PIEZO1: variants seen among roughly 807,000 people sequenced by gnomAD.
PIEZO1 encodes piezo type mechanosensitive ion channel component 1 (Er blood group).
Under a neutral mutation model 297.2 loss-of-function variants are expected in PIEZO1, and 296 were observed. The observed-to-expected ratio is 1.00, with a 90% CI of 0.91 to 1.10. PIEZO1 has a LOEUF of 1.10. PIEZO1 is among the 50% of genes least tolerant of loss of function. The probability of loss-of-function intolerance (pLI) is 0.00; values close to 1 mark genes in which losing one functional copy is unlikely to be tolerated. For missense variants in PIEZO1, 5,018 were observed against 3,455.5 expected, an observed-to-expected ratio of 1.45 and a Z score of -11.34; for synonymous variants, 2,427 against 1,507.5, an observed-to-expected ratio of 1.61 and a Z score of -14.13.
At chr16:88,781,108 G>A (rs61203850) in intron 1 of PIEZO1, among the ~76,000 whole-genome samples, 32,008 of 152,224 alleles carry the variant, frequency 0.21, 3,500 homozygotes, top group Middle Eastern at 0.33. Context: ...CCTGACGACT[G>A]CGGTGGTCCC....
Position 88,716,751 on chromosome 16 carries a change from T to C in PIEZO1, c.6754-20A>G. ...GGCCAGCTGGGTACAAGTGACACCCTCAGTGACTGCAGCCGCCTCCCCACA... is the reference window on the plus strand; with the variant it reads ...GGCCAGCTGGGTACAAGTGACACCCCCAGTGACTGCAGCCGCCTCCCCACA... On this transcript the variant is annotated intron_variant, in intron 46 of 50. Transcript: ENST00000301015. The C allele has an allele frequency of 6.5e-7, 1 of 1,548,526 alleles. No homozygotes were observed.
rs970360728 is a variant in PIEZO1, at chr16:88,732,696, T to C, written c.2701A>G (p.Ile901Val). The change falls in exon 20 of 51, where the codon ATC (isoleucine) becomes GTC (valine). Residue 901 changes from isoleucine to valine, a missense_variant. Ile to Val is a conservative substitution (Grantham distance 29). Coordinates refer to ENST00000301015, the MANE Select transcript of PIEZO1 (RefSeq NM_001142864.4). Reference protein sequence around the residue: ...PNSTNLLPTEISQSLLYRGPV... With the variant: ...PNSTNLLPTEVSQSLLYRGPV... ...CCCCGGTACAGCAGGGACTGGCTGA[T>C]CTCCGTGGGCAGCAAGTTGGTGCTG... is the stretch of plus-strand genomic sequence containing the variant. 5 of 1,549,028 alleles carry C rather than the reference T, an allele frequency of 3.2e-6. No homozygotes were observed. The African/African-American group carries it at 5.5e-5, about 17-fold the overall frequency.
intron 1 of PIEZO1, among the ~76,000 whole-genome samples, chr16:88,757,959 G>A (rs570398086): frequency 2.0e-5 from 3 of 152,280 alleles, no homozygotes; most frequent in South Asian, 2.1e-4. Context: ...CCACAGAAAG[G>A]CCTGGCTGGA....
chr16:88,727,912 G>T, intron 22 of PIEZO1: 1 of 331,180 alleles, frequency 3.0e-6, no homozygotes, highest in Non-Finnish European at 5.5e-6. Context: ...GGGGGTGGGG[G>T]CTGCTGGGCC....
rs182050661 is a variant in PIEZO1, at chr16:88,717,918, C to A, written c.6472-707G>T. On this transcript the variant is annotated intron_variant, in intron 44 of 50. Transcript: ENST00000301015. The stretch of plus-strand genomic sequence containing the variant: ...GGTCAGGAGTTTGAGACGAACCTGG[C>A]CAAAAATACAAAAGACTAGCCAGGC... The A allele has an allele frequency of 1.2e-4, 47 of 387,482 alleles. 1 individual carries two copies. Among genetic ancestry groups the A allele is most frequent in the Non-Finnish European group, 1.1e-4 (23 of 200,478 alleles). 24.0% of individuals were successfully genotyped at this position (387,482 alleles called of 1,614,324 possible).
intron 6 of PIEZO1, 61 bp from the exon 7 acceptor site, chr16:88,738,501 C>T: frequency 6.7e-7 from 1 of 1,483,880 alleles, no homozygotes; most frequent in Non-Finnish European, 8.9e-7. Context: ...GCTGTCTCCA[C>T]AGTCATCAGG....
intron 42 of PIEZO1, 45 bp from the exon 43 acceptor site, chr16:88,720,005 C>G (rs576894497): frequency 6.5e-7 from 1 of 1,549,222 alleles, no homozygotes; most frequent in East Asian, 2.4e-5. Flanking sequence ...GAAACAGCCC[C>G]GCAGGGCCCC....
Position 88,721,629 on chromosome 16 carries a change from G to A in PIEZO1, c.5312C>T (p.Pro1771Leu), listed in dbSNP as rs202099525. The A allele has an allele frequency of 7.5e-4, 1,169 of 1,550,260 alleles. 1 individual carries two copies. The highest frequency in any genetic ancestry group is 9.5e-4 in the Non-Finnish European group (1,093 of 1,146,892). The change falls in exon 38 of 51, where the codon CCC becomes CTC. Residue 1771 changes from proline (P) to leucine (L), a missense_variant. Physicochemically the swap from Pro to Leu is moderately conservative, Grantham distance 98. Coordinates refer to ENST00000301015, the MANE Select transcript of PIEZO1 (RefSeq NM_001142864.4). ...AGTCTTCTCCAGGCCCAGGATGCGG[G>A]GCGGGAAGTAGGGCTTGTTCTCGTA... ...RRYENKPYFP[P>L]RILGLEKTDG...
chr16:88,723,164 T>A lies in PIEZO1; in HGVS notation c.4439-13A>T, dbSNP rs1172142962. 3.2e-6 allele frequency: 5 copies of A among 1,549,404 alleles called. No individual in the cohort carries two copies. In the African/African-American group the frequency reaches 4.1e-5, roughly 13 times the overall value. On this transcript the variant is annotated splice_polypyrimidine_tract_variant and intron_variant, in intron 32 of 50. Transcript: ENST00000301015. The stretch of plus-strand genomic sequence containing the variant: ...CTGGGACCACCTCCTGGGCACAGGA[T>A]GCTGGTGAGTGACTGGCAGTCCCGC...
rs755742006 is a variant in PIEZO1 at position 88,720,637 on chromosome 16, A to C, written c.5780T>G (p.Leu1927Arg). The change falls in exon 40 of 51, where the codon CTG becomes CGG. Residue 1927 changes from leucine (L) to arginine (R), a missense_variant. By Grantham distance (102) the Leu-to-Arg change is moderately radical. Transcript: ENST00000301015. Reference sequence around the variant, plus strand: ...TCACAGGGACAGGCAGAAGCCCTGCAGCCGCCGCCCGGCCGCCCTTACTCT... The same window carrying C: ...TCACAGGGACAGGCAGAAGCCCTGCCGCCGCCGCCCGGCCGCCCTTACTCT... ...GGRVRAAGRR[L>R]QGFCLSLAQG... is the part of the protein sequence containing the mutation. 6.5e-7 allele frequency: 1 copy of C among 1,544,088 alleles called. No homozygotes were observed. The highest frequency in any genetic ancestry group is 8.7e-7 in the Non-Finnish European group (1 of 1,145,244).
intron 2 of PIEZO1, among the ~76,000 whole-genome samples, chr16:88,749,112 C>A (rs545020058): frequency 2.0e-5 from 3 of 151,338 alleles, no homozygotes; most frequent in Non-Finnish European, 4.4e-5. Flanking sequence ...TGGTGGCGGG[C>A]GCCTGTAGTC....
At position 88,733,508 on chromosome 16, in the gene PIEZO1, G is replaced by A. The variant is rs1012860421; in HGVS notation, c.2488-54C>T. The A allele has an allele frequency of 1.1e-5, 17 of 1,531,694 alleles. No individual in the cohort carries two copies. In the African/African-American group the frequency reaches 1.9e-4, roughly 17 times the overall value. 94.9% of individuals were successfully genotyped at this position (1,531,694 alleles called of 1,614,324 possible). A position where few individuals can be genotyped will look rare whatever the true frequency, so the allele number is the denominator to read the frequency against. On this transcript the variant is annotated intron_variant, in intron 18 of 50. Coordinates refer to ENST00000301015, the MANE Select transcript of PIEZO1 (RefSeq NM_001142864.4). The stretch of plus-strand genomic sequence containing the variant: ...CTTGGGGAGGGCAGTGGGCACGTGG[G>A]GCTGGGCTTGGGGAGGCCAGCTGGG...
chr16:88,782,678 G>A (rs1415154854), intron 1 of PIEZO1, among the ~76,000 whole-genome samples: 2 of 152,222 alleles, frequency 1.3e-5, no homozygotes, highest in Admixed American at 6.5e-5. Flanking sequence ...TCCAAAACAC[G>A]GTAGAACTGC....
intron 1 of PIEZO1, among the ~76,000 whole-genome samples, chr16:88,775,461 G>A (rs1907613844): frequency 6.6e-6 from 1 of 152,232 alleles, no homozygotes; most frequent in African/African-American, 2.4e-5. Flanking sequence ...CGGCGCAGTG[G>A]CTCACGCCTG....
At position 88,725,478 on chromosome 16, in the gene PIEZO1, C is replaced by A; in HGVS notation, c.4100G>T (p.Gly1367Val). 2 of 1,522,762 alleles carry A rather than the reference C, an allele frequency of 1.3e-6. No homozygotes were observed. Among genetic ancestry groups the A allele is most frequent in the African/African-American group, 1.4e-5 (1 of 72,546 alleles). 94.3% of individuals were successfully genotyped at this position (1,522,762 alleles called of 1,614,324 possible). Residue 1367 changes from glycine (G) to valine (V), a missense_variant, in exon 29 of 51, where the codon GGC becomes GTC. Gly to Val is a moderately radical substitution (Grantham distance 109, BLOSUM62 -3). Coordinates refer to ENST00000301015, the MANE Select transcript of PIEZO1 (RefSeq NM_001142864.4). ...IRAKQEKHRQ[G>V]RVDRSRPQDT... ...CTGGGGGCGACTGCGGTCCACCCGG[C>A]CCTGCCTGTGCTTCTCCTGCTTGGC...
intron 2 of PIEZO1, chr16:88,743,428 C>G (rs942053235): frequency 6.9e-6 from 3 of 437,438 alleles, no homozygotes; most frequent in African/African-American, 6.0e-5. Context: ...CAGCCACGCC[C>G]GGCCACGAGA....
In PIEZO1 at chr16:88,738,407, T is replaced by A. The variant is rs555064911; in HGVS notation, c.668A>T (p.Tyr223Phe). 16 of 1,535,512 alleles carry A rather than the reference T, an allele frequency of 1.0e-5. No homozygotes were observed. Among genetic ancestry groups the A allele is most frequent in the Non-Finnish European group, 1.4e-5 (16 of 1,146,804 alleles). Residue 223 changes from tyrosine (Y) to phenylalanine (F), a missense_variant, in exon 7 of 51, where the codon TAC becomes TTC. Tyr to Phe is a conservative substitution (Grantham distance 22, BLOSUM62 3). Coordinates refer to ENST00000301015, the MANE Select transcript of PIEZO1 (RefSeq NM_001142864.4). ...GCAGAGGGCCAGGAAGAGCAGCAGGTAGACACTGGAGAGGGCCGAGGGGTG... is the reference window on the plus strand; with the variant it reads ...GCAGAGGGCCAGGAAGAGCAGCAGGAAGACACTGGAGAGGGCCGAGGGGTG... ...IAHPSALSSV[Y>F]LLLFLALCTW...
At chr16:88,737,890 A>G (rs1905349302) in intron 8 of PIEZO1, 44 bp downstream of exon 8, 1 of 1,529,558 alleles carries the variant, frequency 6.5e-7, no homozygotes, top group Admixed American at 2.0e-5. Flanking sequence ...GACCAGCCCC[A>G]TGGCCTGGCC....
intron 2 of PIEZO1, among the ~76,000 whole-genome samples, chr16:88,748,767 G>A (rs1010664390): frequency 2.6e-5 from 4 of 151,992 alleles, no homozygotes; most frequent in Non-Finnish European, 5.9e-5. Flanking sequence ...GGTCTACAAT[G>A]AAAATAAGAA....
Sources: gnomAD v4.1 joint callset for allele counts (sites outside exome capture counted in the v4.1 genomes callset) on GRCh38, gnomAD v4.1.1 for gene constraint, MANE v1.5 for transcripts, NCBI Gene and HGNC (gene_info 2026-07-23, HGNC 2026-07-21) for gene names.